Variants in ADCY1 observed in about 807,000 individuals in gnomAD.
ADCY1 encodes the protein adenylate cyclase 1.
In ADCY1, 28 loss-of-function variants were observed where a neutral mutation model predicts 105.4. The observed-to-expected ratio is 0.27, with a 90% CI of 0.20 to 0.36. The LOEUF (loss-of-function observed/expected upper bound fraction) is 0.36, where lower values mean the gene tolerates loss of function less well. Ranked by LOEUF, ADCY1 falls within the 10% of genes least tolerant of loss-of-function variation. The pLI is 1.00. For synonymous variants in ADCY1, 655 were observed against 623.8 expected, an observed-to-expected ratio of 1.05 and a Z score of -0.75; for missense variants, 977 against 1,434.2, an observed-to-expected ratio of 0.68 and a Z score of 5.15.
At chr7:45,620,959 A>G (rs541882991) in intron 3 of ADCY1, among the ~76,000 whole-genome samples, 2 of 152,116 alleles carry the variant, frequency 1.3e-5, no homozygotes, top group South Asian at 2.1e-4. Context: ...ACAGCTCCAT[A>G]TCTGACTTCC....
intron 5 of ADCY1, among the ~76,000 whole-genome samples, chr7:45,650,486 T>C (rs1456102832): frequency 6.6e-6 from 1 of 152,138 alleles, no homozygotes; most frequent in Non-Finnish European, 1.5e-5. Flanking sequence ...TAGTAAATAT[T>C]TGTGAAGCCC....
At chr7:45,620,858 T>G (rs1290377553) in intron 3 of ADCY1, among the ~76,000 whole-genome samples, 1 of 152,226 alleles carries the variant, frequency 6.6e-6, no homozygotes, top group Non-Finnish European at 1.5e-5. Context: ...GTTACCACCA[T>G]GCAGAATCTT....
intron 4 of ADCY1, among the ~76,000 whole-genome samples, chr7:45,625,270 C>T (rs1349731643): frequency 1.3e-5 from 2 of 152,170 alleles, no homozygotes; most frequent in Non-Finnish European, 2.9e-5. Flanking sequence ...CCAAGTGGCT[C>T]CTTGAAACCT....
At position 45,691,090 on chromosome 7, in the gene ADCY1, T is replaced by C. The variant is rs559750055; in HGVS notation, c.2454+4417T>C. Among the ~76,000 whole-genome samples the C allele has an allele frequency of 7.9e-5, 12 of 152,328 alleles. No homozygotes were observed. In the South Asian group the frequency reaches 2.5e-3, roughly 32 times the overall value. On this transcript the variant is annotated intron_variant, in intron 14 of 19. Coordinates refer to ENST00000297323, the MANE Select transcript of ADCY1 (RefSeq NM_021116.4). ...GGAGAGACATTTCCTCTCATCTGGG[T>C]TGACATGGCTTTTTCTTGGCTTTGT...
At chr7:45,626,733 T>G (rs1719977005) in intron 4 of ADCY1, among the ~76,000 whole-genome samples, 1 of 152,190 alleles carries the variant, frequency 6.6e-6, no homozygotes, top group East Asian at 1.9e-4. Flanking sequence ...GAACACATTA[T>G]TGTAAATGGG....
At chr7:45,581,859 A>G (rs1792556228) in intron 1 of ADCY1, among the ~76,000 whole-genome samples, 1 of 152,104 alleles carries the variant, frequency 6.6e-6, no homozygotes, top group Non-Finnish European at 1.5e-5. Flanking sequence ...ACACACATAC[A>G]TGCACATACC....
intron 1 of ADCY1, among the ~76,000 whole-genome samples, chr7:45,585,772 G>A (rs980359647): frequency 6.6e-6 from 1 of 152,144 alleles, no homozygotes; most frequent in Non-Finnish European, 1.5e-5. Context: ...TTTATGCCAA[G>A]CACCTTGGCT....
rs1785374451 is a variant in ADCY1 at position 45,717,211 on chromosome 7, C to CGG, written c.*3219_*3220dup. On this transcript the variant is annotated 3_prime_UTR_variant, in exon 20 of 20. Transcript: ENST00000297323. ...GTAGGGCAGTGAGAGGAAGCCGTCGCGGGGACCATGCTGCCTTCTCTGGGC... is the reference window on the plus strand; with the variant it reads ...GTAGGGCAGTGAGAGGAAGCCGTCGCGGGGGGACCATGCTGCCTTCTCTGGGC... 1 of 152,178 alleles carries CGG rather than the reference C, an allele frequency of 6.6e-6. No homozygotes were observed. The allele number at this position is 152,178 out of a possible 1,614,324, so 9.4% of individuals were successfully genotyped here.
intron 1 of ADCY1, among the ~76,000 whole-genome samples, chr7:45,579,712 G>C (rs1285788609): frequency 1.3e-5 from 2 of 152,170 alleles, no homozygotes; most frequent in South Asian, 4.1e-4. Context: ...CCTGCCTCCT[G>C]CTGTGTGGTG....
Position 45,657,796 on chromosome 7 carries a change from T to G in ADCY1, c.1218T>G (p.Cys406Trp). The G allele has an allele frequency of 6.2e-7, 1 of 1,611,432 alleles. No homozygotes were observed. The highest frequency in any genetic ancestry group is 8.5e-7 in the Non-Finnish European group (1 of 1,178,720). Reference protein sequence around the residue: ...RVGLHTGRVLCGVLGLRKWQY... With the variant: ...RVGLHTGRVLWGVLGLRKWQY... The stretch of plus-strand genomic sequence containing the variant: ...GTCTGCACACGGGCAGGGTCCTCTG[T>G]GGTGTCCTGGGCTTGCGCAAGTGGC... The change falls in exon 6 of 20, where the codon TGT (cysteine) becomes TGG (tryptophan). Residue 406 changes from cysteine (C) to tryptophan (W), a missense_variant. Cys to Trp is a radical substitution (Grantham distance 215). Coordinates refer to ENST00000297323, the MANE Select transcript of ADCY1 (RefSeq NM_021116.4).
At chr7:45,652,367 A>C (rs1213038369) in intron 5 of ADCY1, among the ~76,000 whole-genome samples, 1 of 152,136 alleles carries the variant, frequency 6.6e-6, no homozygotes, top group African/African-American at 2.4e-5. Flanking sequence ...GCTCTGATAG[A>C]GGGTGGGTGT....
At chr7:45,594,656 T>C (rs570993418) in intron 2 of ADCY1, among the ~76,000 whole-genome samples, 2 of 152,314 alleles carry the variant, frequency 1.3e-5, no homozygotes, top group South Asian at 2.1e-4. Context: ...CCTTTGCTGC[T>C]TGATGTGCAG....
intron 8 of ADCY1, among the ~76,000 whole-genome samples, chr7:45,676,794 C>G (rs1784462690): frequency 6.6e-6 from 1 of 151,712 alleles, no homozygotes; most frequent in Admixed American, 6.6e-5. Flanking sequence ...AGTCGAGGCT[C>G]CCCACATGGT....
At chr7:45,593,425 G>A (rs1051521510) in intron 2 of ADCY1, among the ~76,000 whole-genome samples, 2 of 152,186 alleles carry the variant, frequency 1.3e-5, no homozygotes, top group Non-Finnish European at 2.9e-5. Context: ...TCCAGTGGCC[G>A]GCATCACCCC....
At chr7:45,698,587 G>A (rs1784930475) in intron 14 of ADCY1, among the ~76,000 whole-genome samples, 3 of 152,144 alleles carry the variant, frequency 2.0e-5, no homozygotes, top group South Asian at 2.1e-4. Flanking sequence ...TTGGGTGCCC[G>A]GTGAACAAAG....
chr7:45,645,904 T>C (rs922120413), intron 4 of ADCY1, among the ~76,000 whole-genome samples: 1 of 150,860 alleles, frequency 6.6e-6, no homozygotes, highest in African/African-American at 2.4e-5. Context: ...TCTTGAGCCC[T>C]CATTTGGGCC....
chr7:45,579,750 G>C (rs1301531073), intron 1 of ADCY1, among the ~76,000 whole-genome samples: 1 of 152,170 alleles, frequency 6.6e-6, no homozygotes, highest in Admixed American at 6.5e-5. Flanking sequence ...TAGTCTCCTT[G>C]TCCTTGGCTG....
At chr7:45,645,555 C>T (rs1475771468) in intron 4 of ADCY1, among the ~76,000 whole-genome samples, 1 of 152,132 alleles carries the variant, frequency 6.6e-6, no homozygotes, top group Non-Finnish European at 1.5e-5. Context: ...ATCCCTTCAG[C>T]AGCCTTGTCC....
At chr7:45,580,683 G>A (rs79597784) in intron 1 of ADCY1, among the ~76,000 whole-genome samples, 4,601 of 152,306 alleles carry the variant, frequency 0.03, 95 homozygotes, top group African/African-American at 0.055. Context: ...GGCTGCAAGC[G>A]AGCGAGAGTA....
Sources: gnomAD v4.1 joint callset for allele counts (sites outside exome capture counted in the v4.1 genomes callset) on GRCh38, gnomAD v4.1.1 for gene constraint, MANE v1.5 for transcripts, NCBI Gene and HGNC (gene_info 2026-07-23, HGNC 2026-07-21) for gene names.